Variants in UTP4 observed in about 807,000 individuals in gnomAD.
UTP4 encodes the protein U3 small nucleolar RNA-associated protein 4 homolog.
Under a neutral mutation model 82.4 loss-of-function variants are expected in UTP4, and 45 were observed. The ratio of observed to expected loss-of-function variants is 0.55; its 90% CI spans 0.43 to 0.70. The LOEUF is 0.70. Ranked by LOEUF, UTP4 falls within the 30% of genes least tolerant of loss-of-function variation. UTP4 has a pLI of 0.00. For synonymous variants in UTP4, 348 were observed against 300.3 expected, an observed-to-expected ratio of 1.16 and a Z score of -1.64; for missense variants, 819 against 858.3, an observed-to-expected ratio of 0.95 and a Z score of 0.57.
At chr16:69,167,601 C>T (rs994933612) in intron 16 of UTP4, 1 of 177,446 alleles carries the variant, frequency 5.6e-6, no homozygotes, top group Non-Finnish European at 1.2e-5. Flanking sequence ...AATTCAAAAC[C>T]AGCCTGGGCA....
chr16:69,165,738 A>C, intron 15 of UTP4: 1 of 642,800 alleles, frequency 1.6e-6, no homozygotes, highest in Admixed American at 2.4e-5. Flanking sequence ...GCTCTCGGGG[A>C]AGGGGCTGGC....
intron 14 of UTP4, among the ~76,000 whole-genome samples, chr16:69,164,599 T>TATAC: frequency 6.9e-6 from 1 of 144,054 alleles, no homozygotes; most frequent in Admixed American, 7.0e-5. Context: ...TATATATATA[T>TATAC]ATATATATAT....
At chr16:69,150,020 G>A (rs938157889) in intron 6 of UTP4, among the ~76,000 whole-genome samples, 9 of 152,272 alleles carry the variant, frequency 5.9e-5, no homozygotes, top group South Asian at 2.1e-4. Context: ...GAGCCACCAT[G>A]CCTGGCTGAT....
chr16:69,156,025 G>C, intron 11 of UTP4, 32 bp downstream of exon 11: 1 of 1,610,750 alleles, frequency 6.2e-7, no homozygotes, highest in Non-Finnish European at 8.5e-7. Context: ...GGTCACATAA[G>C]AGGAAACTTC....
Position 69,168,995 on chromosome 16 carries a change from C to A in UTP4, c.*58C>A, listed in dbSNP as rs1315521832. Reference sequence around the variant, plus strand: ...GTCTACCCTGTTGCTTTTCACAAATCATGGTAATAAAACAAGTTATTCTTG... The same window carrying A: ...GTCTACCCTGTTGCTTTTCACAAATAATGGTAATAAAACAAGTTATTCTTG... On this transcript the variant is annotated 3_prime_UTR_variant, in exon 17 of 17. Transcript: ENST00000314423. The A allele has an allele frequency of 4.8e-6, 5 of 1,047,426 alleles. No homozygotes were observed. The East Asian group carries it at 7.1e-5, about 15-fold the overall frequency. 64.9% of individuals were successfully genotyped at this position (1,047,426 alleles called of 1,614,324 possible). A position where few individuals can be genotyped will look rare whatever the true frequency, so the allele number is the denominator to read the frequency against.
intron 6 of UTP4, among the ~76,000 whole-genome samples, chr16:69,148,718 C>T (rs1452916291): frequency 1.3e-5 from 2 of 151,418 alleles, no homozygotes; most frequent in Admixed American, 6.6e-5. Flanking sequence ...CTCGAGCAAT[C>T]CTACCTCAGC....
intron 2 of UTP4, among the ~76,000 whole-genome samples, chr16:69,136,017 G>A (rs759781656): frequency 6.6e-5 from 10 of 152,258 alleles, no homozygotes; most frequent in Admixed American, 2.6e-4. Context: ...CAATAAGAGC[G>A]AAACTCTGTC....
At position 69,153,599 on chromosome 16, in the gene UTP4, T is replaced by C; in HGVS notation, c.1018T>C (p.Cys340Arg). 1 of 1,613,084 alleles carries C rather than the reference T, an allele frequency of 6.2e-7. No homozygotes were observed. The highest frequency in any genetic ancestry group is 8.5e-7 in the Non-Finnish European group (1 of 1,179,414). The change falls in exon 9 of 17, where the codon TGT becomes CGT. Residue 340 changes from cysteine to arginine, a missense_variant. Cys to Arg is a radical substitution (Grantham distance 180). Transcript: ENST00000314423. ...TTGGATATAGCGATGTCTCATCTCC[T>C]GTTCTAAAAAGAGGCAGCTTCTCCT... ...ITFPHRCLIS[C>R]SKKRQLLLFQ...
chr16:69,146,472 T>A (rs1963110766), intron 6 of UTP4, among the ~76,000 whole-genome samples: 1 of 152,252 alleles, frequency 6.6e-6, no homozygotes, highest in Admixed American at 6.5e-5. Context: ...TTTCATTCCT[T>A]ACTAAGACTG....
chr16:69,132,657 G>T lies in UTP4; in HGVS notation c.-35G>T. The T allele has an allele frequency of 2.8e-6, 1 of 361,034 alleles. No homozygotes were observed. Among genetic ancestry groups the T allele is most frequent in the East Asian group, 1.4e-4 (1 of 6,988 alleles). The allele number at this position is 361,034 out of a possible 1,614,324, so 22.4% of individuals were successfully genotyped here. ...GCACGTGGGGCCGGGGCGGAGAGAG[G>T]CGAGCACCGGGAAGGGGAGCGTGGG... On this transcript the variant is annotated 5_prime_UTR_variant, in exon 1 of 17. Coordinates refer to ENST00000314423, the MANE Select transcript of UTP4 (RefSeq NM_032830.3).
In UTP4 at chr16:69,135,824, G is replaced by A. The variant is rs573300555; in HGVS notation, c.160-872G>A. On this transcript the variant is annotated intron_variant, in intron 2 of 16. Coordinates refer to ENST00000314423, the MANE Select transcript of UTP4 (RefSeq NM_032830.3). ...GCAGATCACCTGAGGTCGGGAATTC[G>A]AGACCAGCCTGACCAACATGGAGAA... is the stretch of plus-strand genomic sequence containing the variant. Among the ~76,000 whole-genome samples, 15 of 152,134 alleles carry A rather than the reference G, an allele frequency of 9.9e-5. No individual in the cohort carries two copies. In the South Asian group the frequency reaches 2.5e-3, roughly 25 times the overall value.
At chr16:69,143,557 C>G (rs1163327937) in intron 6 of UTP4, among the ~76,000 whole-genome samples, 168 bp downstream of exon 6, 4 of 152,046 alleles carry the variant, frequency 2.6e-5, no homozygotes, top group African/African-American at 9.7e-5. Context: ...TCCATAGTAC[C>G]TAACAATTGG....
chr16:69,158,158 A>AC (rs1963468683), intron 12 of UTP4, among the ~76,000 whole-genome samples: 1 of 83,420 alleles, frequency 1.2e-5, no homozygotes. Flanking sequence ...TGGAAAGTCA[A>AC]CTCTTTTTTT....
At chr16:69,135,977 T>G (rs993430088) in intron 2 of UTP4, among the ~76,000 whole-genome samples, 4 of 152,252 alleles carry the variant, frequency 2.6e-5, no homozygotes, top group Non-Finnish European at 4.4e-5. Context: ...TGCAGTGAGC[T>G]GAGATGGCGC....
At position 69,148,459 on chromosome 16, in the gene UTP4, C is replaced by T. The variant is rs532998105; in HGVS notation, c.739-2078C>T. Among the ~76,000 whole-genome samples, 309 of 148,426 alleles carry T rather than the reference C, an allele frequency of 2.1e-3. 1 individual carries two copies. The highest frequency in any genetic ancestry group is 7.3e-3 in the African/African-American group (293 of 40,256). On this transcript the variant is annotated intron_variant, in intron 6 of 16. Transcript: ENST00000314423. ...TGTTGGCCAGGCTGGTCTCTAACCCCGACCTCAAGTGATCCGCCCGCCTCA... is the reference window on the plus strand; with the variant it reads ...TGTTGGCCAGGCTGGTCTCTAACCCTGACCTCAAGTGATCCGCCCGCCTCA...
At chr16:69,165,562 T>C (rs779016402) in intron 15 of UTP4, 36 bp downstream of exon 15, 3 of 1,571,294 alleles carry the variant, frequency 1.9e-6, no homozygotes, top group Non-Finnish European at 2.6e-6. Flanking sequence ...AATCTTCTTC[T>C]GAATCTTAAA....
rs1413455467 is a variant in UTP4 at position 69,150,709 on chromosome 16, G to A, written c.910+1G>A. 4 of 1,614,218 alleles carry A rather than the reference G, an allele frequency of 2.5e-6. No homozygotes were observed. ...AGCCCAACAGCGCTGATATCTGGAGGTGGGTTCCCCCTCTGGTGAGGCTGC... is the reference window on the plus strand; with the variant it reads ...AGCCCAACAGCGCTGATATCTGGAGATGGGTTCCCCCTCTGGTGAGGCTGC... On this transcript the variant is annotated splice_donor_variant, in intron 7 of 16. Coordinates refer to ENST00000314423, the MANE Select transcript of UTP4 (RefSeq NM_032830.3). LOFTEE classifies it high-confidence loss of function.
chr16:69,147,465 G>A (rs866644314), intron 6 of UTP4, among the ~76,000 whole-genome samples: 38 of 150,164 alleles, frequency 2.5e-4, no homozygotes, highest in South Asian at 8.5e-4. Flanking sequence ...AGATCACCCC[G>A]CTGCACTCCA....
rs1376549764 is a variant in UTP4 at position 69,163,097 on chromosome 16, G to A, written c.1566G>A (p.Val522=). The A allele has an allele frequency of 1.2e-6, 2 of 1,613,800 alleles. No homozygotes were observed. Among genetic ancestry groups the A allele is most frequent in the Non-Finnish European group, 1.7e-6 (2 of 1,179,850 alleles). Residue 522 remains valine, a synonymous_variant, in exon 14 of 17, where the codon GTG becomes GTA. Coordinates refer to ENST00000314423, the MANE Select transcript of UTP4 (RefSeq NM_032830.3). Reference sequence around the variant, plus strand: ...TTTGTTCCCAGCTTCACTGCACGGTGCCTGCTTACAATTTCCCAGTGACTG... The same window carrying A: ...TTTGTTCCCAGCTTCACTGCACGGTACCTGCTTACAATTTCCCAGTGACTG... The part of the protein sequence containing the change: ...NVKQLKLHCT[V]PAYNFPVTAM...
Sources: allele counts gnomAD v4.1 joint callset (sites outside exome capture counted in the v4.1 genomes callset), GRCh38; gene constraint gnomAD v4.1.1; transcripts MANE v1.5; gene names NCBI Gene and HGNC (gene_info 2026-07-23, HGNC 2026-07-21).